The following STAM2 variants were observed in gnomAD, a reference collection of about 807,000 sequenced individuals.
The protein encoded by STAM2 is signal transducing adapter molecule 2.
Under a neutral mutation model 65.6 loss-of-function variants are expected in STAM2, and 51 were observed. The ratio of observed to expected loss-of-function variants is 0.78; its 90% CI spans 0.62 to 0.98. STAM2 has a LOEUF of 0.98. Ranked by LOEUF, STAM2 falls within the 50% of genes least tolerant of loss-of-function variation. STAM2 has a pLI of 0.00. For missense variants in STAM2, 584 were observed against 617.8 expected (o/e 0.95, Z 0.58); for synonymous variants, 198 against 208.4 (o/e 0.95, Z 0.43).
At chr2:152,174,320 G>A (rs1045825408) in intron 1 of STAM2, among the ~76,000 whole-genome samples, 2 of 152,128 alleles carry the variant, frequency 1.3e-5, no homozygotes, top group Admixed American at 1.3e-4. Flanking sequence ...GTTGCACAAA[G>A]GTTGTATGAT....
At chr2:152,172,862 C>CAA (rs1400288847) in intron 1 of STAM2, among the ~76,000 whole-genome samples, 10 of 62,440 alleles carry the variant, frequency 1.6e-4, no homozygotes, top group South Asian at 5.0e-4. Flanking sequence ...AGATTCGTCT[C>CAA]AAAAAAAAAA....
chr2:152,165,961 G>C (rs968577817), intron 1 of STAM2, among the ~76,000 whole-genome samples: 2 of 152,150 alleles, frequency 1.3e-5, no homozygotes, highest in Non-Finnish European at 2.9e-5. Flanking sequence ...CCAGCACTGC[G>C]GGAGGTCAAG....
chr2:152,128,367 T>C (rs1231573333), intron 11 of STAM2, among the ~76,000 whole-genome samples: 2 of 151,742 alleles, frequency 1.3e-5, no homozygotes, highest in Non-Finnish European at 2.9e-5. Context: ...GAGCCGAGAT[T>C]GCACCACTGC....
chr2:152,155,129 GTTTGT>G (rs1166267369), intron 1 of STAM2, among the ~76,000 whole-genome samples: 1 of 152,066 alleles, frequency 6.6e-6, no homozygotes. Flanking sequence ...ACGAATTTTT[GTTTGT>G]TTTGTTCACT....
Position 152,144,963 on chromosome 2 carries a change from A to T in STAM2, c.448-6T>A. ...TTGGCAGCAGCTGAGACAGTCTGTAAATGTATGAGTAAAATGAACACAACT... is the reference window on the plus strand; with the variant it reads ...TTGGCAGCAGCTGAGACAGTCTGTATATGTATGAGTAAAATGAACACAACT... On this transcript the variant is annotated splice_polypyrimidine_tract_variant and splice_region_variant and intron_variant, in intron 5 of 13. Coordinates refer to ENST00000263904, the MANE Select transcript of STAM2 (RefSeq NM_005843.6). 6.2e-7 allele frequency: 1 copy of T among 1,609,418 alleles called. No individual in the cohort carries two copies. Among genetic ancestry groups the T allele is most frequent in the Non-Finnish European group, 8.5e-7 (1 of 1,175,812 alleles).
chr2:152,137,260 C>A (rs1265071897), intron 7 of STAM2, among the ~76,000 whole-genome samples: 2 of 152,098 alleles, frequency 1.3e-5, no homozygotes, highest in African/African-American at 4.8e-5. Flanking sequence ...TTTCTCCTCC[C>A]CCCGGTTGCA....
intron 1 of STAM2, among the ~76,000 whole-genome samples, chr2:152,151,423 G>A (rs1411181705): frequency 6.6e-6 from 1 of 151,904 alleles, no homozygotes; most frequent in Non-Finnish European, 1.5e-5. Context: ...CTTGTGATCC[G>A]CCCACCTCAG....
At chr2:152,120,831 A>G (rs747823145) in intron 13 of STAM2, 29 bp from the exon 14 acceptor site, 2 of 1,554,446 alleles carry the variant, frequency 1.3e-6, no homozygotes, top group South Asian at 1.1e-5. Flanking sequence ...AAAGAAAACC[A>G]TATTTACTTT....
At chr2:152,122,984 T>C (rs573500229) in intron 13 of STAM2, among the ~76,000 whole-genome samples, 1 of 151,840 alleles carries the variant, frequency 6.6e-6, no homozygotes, top group South Asian at 2.1e-4. Flanking sequence ...GGTGGGTGGA[T>C]AGCTTGAGAC....
intron 1 of STAM2, among the ~76,000 whole-genome samples, chr2:152,160,349 G>A (rs1241893862): frequency 9.4e-5 from 14 of 148,640 alleles, no homozygotes; most frequent in African/African-American, 3.0e-4. Context: ...GCCGCCCATC[G>A]TCTGAGATGT....
At chr2:152,172,320 G>A (rs1000872857) in intron 1 of STAM2, among the ~76,000 whole-genome samples, 1 of 151,964 alleles carries the variant, frequency 6.6e-6, no homozygotes, top group African/African-American at 2.4e-5. Context: ...CTAGCCTTTG[G>A]CCTGCTTCCA....
chr2:152,159,100 T>C (rs1391017897), intron 1 of STAM2, among the ~76,000 whole-genome samples: 1 of 136,038 alleles, frequency 7.4e-6, no homozygotes, highest in Non-Finnish European at 1.5e-5. Context: ...AAACCATATA[T>C]ATATATATAT....
chr2:152,171,143 G>C (rs896099803), intron 1 of STAM2, among the ~76,000 whole-genome samples: 1 of 152,162 alleles, frequency 6.6e-6, no homozygotes, highest in African/African-American at 2.4e-5. Flanking sequence ...TTTATAGAGT[G>C]TTTAACTCGG....
At chr2:152,126,474 A>C in intron 11 of STAM2, 95 bp from the exon 12 acceptor site, 1 of 754,970 alleles carries the variant, frequency 1.3e-6, no homozygotes, top group South Asian at 5.2e-5. Flanking sequence ...ATTTCTATTA[A>C]TATATTAAAA....
chr2:152,123,295 C>T (rs1688896148), intron 13 of STAM2, among the ~76,000 whole-genome samples: 1 of 152,124 alleles, frequency 6.6e-6, no homozygotes, highest in Non-Finnish European at 1.5e-5. Context: ...TCGCTTGAAC[C>T]TGGAAGACGG....
intron 1 of STAM2, among the ~76,000 whole-genome samples, chr2:152,158,513 T>C (rs970556364): frequency 2.6e-5 from 4 of 151,870 alleles, no homozygotes; most frequent in African/African-American, 9.7e-5. Context: ...CCCGATCACG[T>C]GGAAACTTAA....
intron 1 of STAM2, among the ~76,000 whole-genome samples, chr2:152,153,359 C>A (rs955403034): frequency 4.6e-5 from 7 of 151,228 alleles, no homozygotes; most frequent in Admixed American, 3.3e-4. Flanking sequence ...TGGTAGGAAT[C>A]CAGAGTAATT....
intron 2 of STAM2, among the ~76,000 whole-genome samples, chr2:152,148,652 G>A (rs760276127): frequency 1.3e-5 from 2 of 151,958 alleles, no homozygotes; most frequent in African/African-American, 2.4e-5. Context: ...GACAGAGACC[G>A]TGTCTCAAAA....
intron 1 of STAM2, among the ~76,000 whole-genome samples, chr2:152,164,793 C>T (rs769105007): frequency 1.3e-5 from 2 of 152,094 alleles, no homozygotes; most frequent in Non-Finnish European, 2.9e-5. Flanking sequence ...GAGAATTGAG[C>T]ATAAGGGGAG....
Sources: gnomAD v4.1 joint callset for allele counts (sites outside exome capture counted in the v4.1 genomes callset) on GRCh38, gnomAD v4.1.1 for gene constraint, MANE v1.5 for transcripts, NCBI Gene and HGNC (gene_info 2026-07-23, HGNC 2026-07-21) for gene names.